ERICH3: variants seen among roughly 807,000 people sequenced by gnomAD.
ERICH3 encodes the protein glutamate rich 3.
Under a neutral mutation model 131.1 loss-of-function variants are expected in ERICH3, and 126 were observed. That is an observed-to-expected ratio of 0.96 (90% CI 0.83 to 1.11). The LOEUF (loss-of-function observed/expected upper bound fraction) is 1.11, where lower values mean the gene tolerates loss of function less well. ERICH3 is among the 50% of genes most tolerant of loss of function. The pLI, the probability that ERICH3 is intolerant of heterozygous loss-of-function variation, is 0.00. For synonymous variants in ERICH3, 695 were observed against 644.6 expected, an observed-to-expected ratio of 1.08 and a Z score of -1.18; for missense variants, 2,050 against 1,810.7, an observed-to-expected ratio of 1.13 and a Z score of -2.40.
intron 8 of ERICH3, among the ~76,000 whole-genome samples, chr1:74,616,823 G>A (rs960139619): frequency 2.0e-5 from 3 of 152,148 alleles, no homozygotes; most frequent in African/African-American, 7.2e-5. Context: ...GAACACAGAG[G>A]CAGATATTGA....
chr1:74,578,918 G>C (rs1647126573), intron 12 of ERICH3, among the ~76,000 whole-genome samples: 1 of 151,978 alleles, frequency 6.6e-6, no homozygotes, highest in Non-Finnish European at 1.5e-5. Flanking sequence ...AACAATATTA[G>C]GACGACAAAC....
rs371120806 is a variant in ERICH3 at position 74,573,515 on chromosome 1, A to G, written c.2219-24T>C. Reference sequence around the variant, plus strand: ...TGCTATAAAAATAAGGTTAGAAATCAAGATTACTTTAATCCAAGCGAACAA... The same window carrying G: ...TGCTATAAAAATAAGGTTAGAAATCGAGATTACTTTAATCCAAGCGAACAA... On this transcript the variant is annotated intron_variant, in intron 13 of 14. Coordinates refer to ENST00000326665, the MANE Select transcript of ERICH3 (RefSeq NM_001002912.5). 4.5e-4 allele frequency: 666 copies of G among 1,490,440 alleles called. 3 individuals carry two copies. The African/African-American group carries it at 8.5e-3, about 19-fold the overall frequency. The allele number at this position is 1,490,440 out of a possible 1,614,324, so 92.3% of individuals were successfully genotyped here.
rs559905474 is a variant in ERICH3 at position 74,589,714 on chromosome 1, TC to T, written c.2092del (p.Glu698LysfsTer15). 2.0e-4 allele frequency: 325 copies of T among 1,614,090 alleles called. 4 individuals are homozygous for T. The South Asian group carries it at 3.4e-3, about 17-fold the overall frequency. On this transcript the variant is annotated frameshift_variant, in exon 12 of 15. Transcript: ENST00000326665. LOFTEE classifies it high-confidence loss of function. The part of the protein sequence containing the change: ...SGKHVSAEEK[E>X]KDKSKLWEES... ...TTCCCAAAGCTTACTCTTATCCTTTTCCTTTTCTTCTGCAGAAACATGTTTC... is the reference window on the plus strand; with the variant it reads ...TTCCCAAAGCTTACTCTTATCCTTTTCTTTTCTTCTGCAGAAACATGTTTC...
chr1:74,656,357 C>A (rs1646583613), intron 1 of ERICH3, among the ~76,000 whole-genome samples: 1 of 152,246 alleles, frequency 6.6e-6, no homozygotes, highest in Non-Finnish European at 1.5e-5. Context: ...TCCCAACTGG[C>A]CCCATCACAA....
chr1:74,673,474 G>A, intron 1 of ERICH3, 23 bp downstream of exon 1: 2 of 1,611,354 alleles, frequency 1.2e-6, no homozygotes, highest in Non-Finnish European at 1.7e-6. Context: ...CCACAGCGTG[G>A]AAAAGCTCCA....
intron 11 of ERICH3, among the ~76,000 whole-genome samples, chr1:74,594,645 T>C (rs1018416762): frequency 1.3e-5 from 2 of 152,078 alleles, no homozygotes; most frequent in Non-Finnish European, 2.9e-5. Flanking sequence ...ATGAGGGAAA[T>C]AGATCCACTG....
Position 74,571,239 on chromosome 1 carries a change from G to T in ERICH3, c.4471C>A (p.Leu1491Ile), listed in dbSNP as rs371028623. ...ACTGGAAGTGTTGCCATCGCCTGTA[G>T]ACTCTCCGGACTCAATTCCCTCTCT... The part of the protein sequence containing the change: ...EGERELSPES[L>I]QAMATLPVKP... Residue 1491 changes from leucine (L) to isoleucine (I), a missense_variant, in exon 14 of 15, where the codon CTA becomes ATA. Coordinates refer to ENST00000326665, the MANE Select transcript of ERICH3 (RefSeq NM_001002912.5). The T allele has an allele frequency of 6.2e-7, 1 of 1,613,910 alleles. No homozygotes were observed. Among genetic ancestry groups the T allele is most frequent in the African/African-American group, 1.3e-5 (1 of 74,874 alleles).
At chr1:74,643,178 G>T (rs1646451493) in intron 3 of ERICH3, 80 bp from the exon 4 acceptor site, 1 of 1,061,558 alleles carries the variant, frequency 9.4e-7, no homozygotes, top group Non-Finnish European at 1.4e-6. Context: ...AATTCCAACA[G>T]ATAACTATAT....
chr1:74,583,703 CA>C (rs1647220876), intron 12 of ERICH3, among the ~76,000 whole-genome samples: 1 of 152,148 alleles, frequency 6.6e-6, no homozygotes. Flanking sequence ...CGCCCTGAAA[CA>C]AAAATACTGG....
At chr1:74,582,588 T>C (rs1001966639) in intron 12 of ERICH3, among the ~76,000 whole-genome samples, 1 of 152,180 alleles carries the variant, frequency 6.6e-6, no homozygotes, top group Non-Finnish European at 1.5e-5. Flanking sequence ...GCTATGTTAA[T>C]GTAGAAACTT....
intron 1 of ERICH3, among the ~76,000 whole-genome samples, chr1:74,654,164 C>A (rs781533445): frequency 6.6e-6 from 1 of 152,036 alleles, no homozygotes; most frequent in Non-Finnish European, 1.5e-5. Flanking sequence ...GGTTTTCTCT[C>A]GTTTCTGAGT....
At chr1:74,587,695 A>C (rs2100557731) in intron 12 of ERICH3, among the ~76,000 whole-genome samples, 1 of 152,288 alleles carries the variant, frequency 6.6e-6, no homozygotes, top group Non-Finnish European at 1.5e-5. Context: ...AAATGAAAAT[A>C]ATGTTAGTGT....
chr1:74,649,763 T>C (rs979707228), intron 1 of ERICH3, among the ~76,000 whole-genome samples: 4 of 152,114 alleles, frequency 2.6e-5, no homozygotes, highest in African/African-American at 9.7e-5. Context: ...TCTCTCATCT[T>C]CAGAATACAA....
intron 13 of ERICH3, among the ~76,000 whole-genome samples, chr1:74,576,665 T>C (rs568891946): frequency 6.6e-6 from 1 of 152,284 alleles, no homozygotes; most frequent in East Asian, 1.9e-4. Flanking sequence ...CAGTGCTTGA[T>C]GACAATTACT....
At chr1:74,671,855 C>T (rs560631377) in intron 1 of ERICH3, among the ~76,000 whole-genome samples, 2 of 152,286 alleles carry the variant, frequency 1.3e-5, no homozygotes, top group South Asian at 4.1e-4. Flanking sequence ...GAACACTGTC[C>T]TAAGTGAAGG....
At chr1:74,628,682 C>G (rs1412455353) in intron 7 of ERICH3, among the ~76,000 whole-genome samples, 1 of 149,694 alleles carries the variant, frequency 6.7e-6, no homozygotes, top group Non-Finnish European at 1.5e-5. Context: ...AGTGTCAACT[C>G]TCCATATACA....
chr1:74,606,421 C>T (rs1648394841), intron 10 of ERICH3, among the ~76,000 whole-genome samples, 180 bp downstream of exon 10: 2 of 151,838 alleles, frequency 1.3e-5, no homozygotes, highest in African/African-American at 4.8e-5. Flanking sequence ...GTCTGCCTTC[C>T]TCTAAGGTAG....
chr1:74,611,251 C>T (rs1648681652), intron 9 of ERICH3, among the ~76,000 whole-genome samples: 2 of 152,098 alleles, frequency 1.3e-5, no homozygotes, highest in South Asian at 4.1e-4. Context: ...CCTGCTTCTT[C>T]CACAGTCTCA....
chr1:74,617,425 C>G (rs1410429537), intron 8 of ERICH3, among the ~76,000 whole-genome samples: 1 of 152,150 alleles, frequency 6.6e-6, no homozygotes, highest in Non-Finnish European at 1.5e-5. Context: ...TTCATAGTCC[C>G]AAACTAGTAT....
Sources: gnomAD v4.1 joint callset for allele counts (sites outside exome capture counted in the v4.1 genomes callset) on GRCh38, gnomAD v4.1.1 for gene constraint, MANE v1.5 for transcripts, NCBI Gene and HGNC (gene_info 2026-07-23, HGNC 2026-07-21) for gene names.